CPNE4: variants seen among roughly 807,000 people sequenced by gnomAD.
CPNE4 encodes the protein copine 4.
Under a neutral mutation model 67.9 loss-of-function variants are expected in CPNE4, and 25 were observed. The observed-to-expected ratio is 0.37, with a 90% CI of 0.27 to 0.51. The LOEUF (loss-of-function observed/expected upper bound fraction) is 0.51. Ranked by LOEUF, CPNE4 falls within the 20% of genes least tolerant of loss-of-function variation. CPNE4 has a pLI of 0.93. For missense variants in CPNE4, 464 were observed against 690.8 expected (o/e 0.67, Z 3.68); for synonymous variants, 242 against 244.9 (o/e 0.99, Z 0.11).
At chr3:131,571,574 G>A (rs1195684290) in intron 10 of CPNE4, among the ~76,000 whole-genome samples, 2 of 151,974 alleles carry the variant, frequency 1.3e-5, no homozygotes, top group African/African-American at 4.8e-5. Context: ...TCTTCTCATT[G>A]TATTCTAGGC....
intron 1 of CPNE4, among the ~76,000 whole-genome samples, chr3:131,945,087 G>A (rs1471355075): frequency 6.6e-6 from 1 of 152,118 alleles, no homozygotes; most frequent in Non-Finnish European, 1.5e-5. Flanking sequence ...TAGCCATGTG[G>A]CCTTCAGGAA....
At chr3:131,581,013 A>C (rs1008757948) in intron 9 of CPNE4, among the ~76,000 whole-genome samples, 1 of 152,042 alleles carries the variant, frequency 6.6e-6, no homozygotes, top group African/African-American at 2.4e-5. Context: ...CTCTACTAAA[A>C]ATAGAAAAAA....
chr3:131,801,452 G>GTATATATATATATATATA lies in CPNE4; in HGVS notation c.181-77845_181-77828dup, dbSNP rs71136416. Among the ~76,000 whole-genome samples, 75 of 53,312 alleles carry GTATATATATATATATATA rather than the reference G, an allele frequency of 1.4e-3. 1 individual carries two copies. Among genetic ancestry groups the GTATATATATATATATATA allele is most frequent in the African/African-American group, 3.0e-3 (38 of 12,730 alleles). The allele number at this position is 53,312 out of a possible 152,430, so 35.0% of individuals were successfully genotyped here. A position where few individuals can be genotyped will look rare whatever the true frequency, so the allele number is the denominator to read the frequency against. ...TGTGTGTGTGTGTGTGTGTGTGTGT[G>GTATATATATATATATATA]TATATATATATATATATATATATAT... is the stretch of plus-strand genomic sequence containing the variant. On this transcript the variant is annotated intron_variant, in intron 2 of 15. Transcript: ENST00000429747.
chr3:131,657,704 T>TTGTGTGTGTGTGTGTG (rs56890555), intron 7 of CPNE4, among the ~76,000 whole-genome samples: 9 of 140,858 alleles, frequency 6.4e-5, no homozygotes, highest in African/African-American at 2.1e-4. Context: ...CCAGCTAATT[T>TTGTGTGTGTGTGTGTG]TGTGTGTGTG....
At chr3:131,887,536 T>C (rs1464007335) in intron 2 of CPNE4, among the ~76,000 whole-genome samples, 1 of 152,110 alleles carries the variant, frequency 6.6e-6, no homozygotes, top group African/African-American at 2.4e-5. Context: ...AAAAAACAAA[T>C]GTAGGAGGGC....
At chr3:131,555,301 A>C (rs1936401046) in intron 12 of CPNE4, among the ~76,000 whole-genome samples, 196 bp downstream of exon 12, 1 of 152,064 alleles carries the variant, frequency 6.6e-6, no homozygotes, top group South Asian at 2.1e-4. Flanking sequence ...CCCATCCAAA[A>C]TACCAGGAGA....
At chr3:131,853,844 T>A (rs1034365080) in intron 2 of CPNE4, among the ~76,000 whole-genome samples, 2 of 151,866 alleles carry the variant, frequency 1.3e-5, no homozygotes, top group Non-Finnish European at 2.9e-5. Flanking sequence ...ACAGTAATAT[T>A]TCATGCCCAC....
chr3:131,536,831 A>G (rs116144776), intron 15 of CPNE4, among the ~76,000 whole-genome samples: 1,888 of 152,324 alleles, frequency 0.012, 48 homozygotes, highest in African/African-American at 0.043. Context: ...GGGCAGATAC[A>G]AAAGTCATTT....
At chr3:131,708,807 C>A (rs1221850424) in intron 3 of CPNE4, among the ~76,000 whole-genome samples, 2 of 151,586 alleles carry the variant, frequency 1.3e-5, no homozygotes, top group African/African-American at 4.9e-5. Flanking sequence ...GGAAAAAAGG[C>A]ACCTTTGTGC....
intron 7 of CPNE4, among the ~76,000 whole-genome samples, chr3:131,588,373 G>A (rs2107702932): frequency 6.6e-6 from 1 of 152,306 alleles, no homozygotes; most frequent in Non-Finnish European, 1.5e-5. Flanking sequence ...CCAGGGTGGA[G>A]ACTGGATTGG....
At chr3:131,714,149 T>A (rs889385026) in intron 3 of CPNE4, among the ~76,000 whole-genome samples, 4 of 152,142 alleles carry the variant, frequency 2.6e-5, no homozygotes, top group African/African-American at 9.7e-5. Flanking sequence ...AATGCTAACC[T>A]GTGGAATCTT....
chr3:131,584,658 A>T (rs1000662785), intron 8 of CPNE4, among the ~76,000 whole-genome samples: 1 of 152,154 alleles, frequency 6.6e-6, no homozygotes, highest in East Asian at 1.9e-4. Flanking sequence ...CAATCATGTC[A>T]TTCTCTAGCT....
At chr3:131,897,758 G>A (rs1398186072) in intron 2 of CPNE4, among the ~76,000 whole-genome samples, 7 of 151,952 alleles carry the variant, frequency 4.6e-5, no homozygotes, top group African/African-American at 1.7e-4. Context: ...CAGGTGTGGT[G>A]GCATGTGCCT....
intron 2 of CPNE4, among the ~76,000 whole-genome samples, chr3:131,873,940 C>T (rs948773077): frequency 6.6e-6 from 1 of 152,156 alleles, no homozygotes; most frequent in Non-Finnish European, 1.5e-5. Context: ...CCCTCCACCT[C>T]CAAATAATTT....
chr3:131,626,519 T>C (rs1185189111), intron 7 of CPNE4, among the ~76,000 whole-genome samples: 2 of 152,224 alleles, frequency 1.3e-5, no homozygotes, highest in Non-Finnish European at 2.9e-5. Flanking sequence ...TCTTCATTTC[T>C]CTGAAGGCTG....
intron 1 of CPNE4, among the ~76,000 whole-genome samples, chr3:131,986,879 AAC>A (rs1237384172): frequency 6.6e-6 from 1 of 151,744 alleles, no homozygotes; most frequent in Non-Finnish European, 1.5e-5. Flanking sequence ...AAAAAAAAAA[AAC>A]AAAGAACTTA....
At chr3:131,778,368 T>C (rs1164035259) in intron 2 of CPNE4, among the ~76,000 whole-genome samples, 1 of 151,856 alleles carries the variant, frequency 6.6e-6, no homozygotes, top group Non-Finnish European at 1.5e-5. Flanking sequence ...CTGGAGAGAG[T>C]ATAGATTTGG....
intron 2 of CPNE4, among the ~76,000 whole-genome samples, chr3:131,863,438 T>C (rs559063891): frequency 3.3e-5 from 5 of 152,360 alleles, no homozygotes; most frequent in Middle Eastern, 6.8e-3. Context: ...ATGGTTTCGA[T>C]TTGCATTTCT....
At chr3:131,693,943 G>A (rs2081090476) in intron 5 of CPNE4, among the ~76,000 whole-genome samples, 1 of 152,074 alleles carries the variant, frequency 6.6e-6, no homozygotes, top group South Asian at 2.1e-4. Context: ...GTGGCTTTCA[G>A]TAAGTCATGC....
Sources: gnomAD v4.1 joint callset for allele counts (sites outside exome capture counted in the v4.1 genomes callset) on GRCh38, gnomAD v4.1.1 for gene constraint, MANE v1.5 for transcripts, NCBI Gene and HGNC (gene_info 2026-07-23, HGNC 2026-07-21) for gene names.